ETS1: variants seen among roughly 807,000 people sequenced by gnomAD.
ETS1 encodes ETS proto-oncogene 1, transcription factor.
Under a neutral mutation model 58.6 loss-of-function variants are expected in ETS1, and 15 were observed. The ratio of observed to expected loss-of-function variants is 0.26; its 90% CI spans 0.17 to 0.39. The LOEUF (loss-of-function observed/expected upper bound fraction) is 0.39, where lower values mean the gene tolerates loss of function less well. ETS1 is among the 10% of genes least tolerant of loss of function. The pLI, the probability that ETS1 is intolerant of heterozygous loss-of-function variation, is 1.00. For missense variants in ETS1, 417 were observed against 610.5 expected (o/e 0.68, Z 3.34); for synonymous variants, 214 against 218.2 (o/e 0.98, Z 0.17).
intron 3 of ETS1, among the ~76,000 whole-genome samples, chr11:128,504,694 A>ATT (rs1193936567): frequency 6.6e-6 from 1 of 151,754 alleles, no homozygotes; most frequent in African/African-American, 2.4e-5. Flanking sequence ...CCCTCTCAGG[A>ATT]TTTTTTTTTC....
chr11:128,526,818 T>C (rs924193280), intron 3 of ETS1: 6 of 418,030 alleles, frequency 1.4e-5, no homozygotes, highest in Admixed American at 8.2e-5. Context: ...CCTTAGGTCT[T>C]GGATTTGTCA....
Position 128,464,943 on chromosome 11 carries a change from T to C in ETS1, c.1124-1316A>G, listed in dbSNP as rs746287882. 6.6e-6 allele frequency among the ~76,000 whole-genome samples: 1 copy of C among 152,204 alleles called. No homozygotes were observed. Among genetic ancestry groups the C allele is most frequent in the Non-Finnish European group, 1.5e-5 (1 of 68,034 alleles). On this transcript the variant is annotated intron_variant, in intron 8 of 9. Transcript: ENST00000392668. This position sits in a 1 kb window ranked among gnomAD's most constrained non-coding sequence, Gnocchi z 4.1. ...ACAAGTGGTCTTACGGCTTCCTTTC[T>C]AATGGTGCAGAAAAAGTGCTCAGCA...
intron 5 of ETS1, among the ~76,000 whole-genome samples, chr11:128,487,702 G>A (rs1041716306): frequency 6.6e-6 from 1 of 152,014 alleles, no homozygotes; most frequent in Non-Finnish European, 1.5e-5. Context: ...TCGCGCGACT[G>A]CACTCCAGCC....
chr11:128,524,518 A>G (rs1183111025), intron 3 of ETS1, among the ~76,000 whole-genome samples: 1 of 152,168 alleles, frequency 6.6e-6, no homozygotes, highest in East Asian at 1.9e-4. Context: ...GTCATGTTAA[A>G]ATATTTTTTA....
chr11:128,493,081 G>A (rs576357392), intron 3 of ETS1, among the ~76,000 whole-genome samples: 1 of 152,272 alleles, frequency 6.6e-6, no homozygotes, highest in Non-Finnish European at 1.5e-5. Context: ...AATTGGCCAG[G>A]ACAACACATG....
At chr11:128,540,558 A>C (rs1372461670) in intron 3 of ETS1, among the ~76,000 whole-genome samples, 1 of 152,184 alleles carries the variant, frequency 6.6e-6, no homozygotes, top group Non-Finnish European at 1.5e-5. Flanking sequence ...CATCCAGGAA[A>C]GCCTGCCCAG....
At chr11:128,475,882 TTGTG>T (rs61450075) in intron 8 of ETS1, among the ~76,000 whole-genome samples, 50 of 149,888 alleles carry the variant, frequency 3.3e-4, no homozygotes, top group African/African-American at 1.1e-3. Flanking sequence ...ACTAGTACCT[TTGTG>T]TGTGTGTGTG....
chr11:128,473,090 A>C (rs570201636), intron 8 of ETS1, among the ~76,000 whole-genome samples: 1 of 152,150 alleles, frequency 6.6e-6, no homozygotes, highest in Non-Finnish European at 1.5e-5. Flanking sequence ...AAACTTCCTC[A>C]TGTGATATTT....
At chr11:128,512,031 G>A (rs1863406511) in intron 3 of ETS1, among the ~76,000 whole-genome samples, 1 of 152,156 alleles carries the variant, frequency 6.6e-6, no homozygotes, top group South Asian at 2.1e-4. Flanking sequence ...TGCACAAACG[G>A]ACCTTAGTAT....
chr11:128,481,808 G>A (rs1862494122), intron 7 of ETS1, among the ~76,000 whole-genome samples: 1 of 152,102 alleles, frequency 6.6e-6, no homozygotes, highest in Non-Finnish European at 1.5e-5. Context: ...AAATATATAG[G>A]AAAATATGTT....
At chr11:128,522,156 C>T in intron 3 of ETS1, 2 of 1,290,760 alleles carry the variant, frequency 1.5e-6, no homozygotes, top group South Asian at 2.0e-5. Context: ...CGCGCCCGGA[C>T]GGTGCGCGCC....
intron 3 of ETS1, among the ~76,000 whole-genome samples, chr11:128,553,124 CG>C (rs1182420828): frequency 2.0e-5 from 3 of 152,064 alleles, no homozygotes; most frequent in Non-Finnish European, 4.4e-5. Context: ...AGAAGGATGA[CG>C]AGAAGCTGAG....
intron 2 of ETS1, among the ~76,000 whole-genome samples, chr11:128,558,111 G>A (rs971093428): frequency 1.1e-4 from 16 of 152,202 alleles, no homozygotes; most frequent in African/African-American, 3.1e-4. Context: ...AGAGCTGGAT[G>A]AAGTTTACTT....
At chr11:128,536,839 T>A (rs914770244) in intron 3 of ETS1, 2 of 152,238 alleles carry the variant, frequency 1.3e-5, no homozygotes, top group Non-Finnish European at 2.9e-5. Flanking sequence ...CATACTCTCT[T>A]CATAAAGTTT....
chr11:128,495,237 G>A (rs1212827092), intron 3 of ETS1, among the ~76,000 whole-genome samples: 1 of 151,946 alleles, frequency 6.6e-6, no homozygotes, highest in East Asian at 1.9e-4. Flanking sequence ...TAAAGTTCAG[G>A]GTCTTTCTCT....
intron 3 of ETS1, among the ~76,000 whole-genome samples, chr11:128,491,918 C>T (rs1431319798): frequency 1.3e-5 from 2 of 152,194 alleles, no homozygotes; most frequent in African/African-American, 4.8e-5. Flanking sequence ...CTGCTATGTC[C>T]ATCCAGATCC....
chr11:128,503,240 G>A (rs140130187), intron 3 of ETS1, among the ~76,000 whole-genome samples: 1 of 152,198 alleles, frequency 6.6e-6, no homozygotes, highest in East Asian at 1.9e-4. Context: ...CAACCCATTG[G>A]GAGGGAACTA....
At chr11:128,510,512 G>A (rs1274297699) in intron 3 of ETS1, among the ~76,000 whole-genome samples, 1 of 152,098 alleles carries the variant, frequency 6.6e-6, no homozygotes, top group African/African-American at 2.4e-5. Flanking sequence ...GACCCCTTAG[G>A]CCTGACCCAA....
At chr11:128,582,042 G>A (rs1306190326) in intron 1 of ETS1, among the ~76,000 whole-genome samples, 3 of 152,158 alleles carry the variant, frequency 2.0e-5, no homozygotes, top group Non-Finnish European at 4.4e-5. Context: ...GAAATGTAAG[G>A]TTCCAATTTC....
Sources: gnomAD v4.1 joint callset for allele counts (sites outside exome capture counted in the v4.1 genomes callset) on GRCh38, gnomAD v4.1.1 for gene constraint, Gnocchi (gnomAD v3.1) non-coding constraint, MANE v1.5 for transcripts, NCBI Gene and HGNC (gene_info 2026-07-23, HGNC 2026-07-21) for gene names.